The following SUCLG2 variants were observed in gnomAD, a reference collection of about 807,000 sequenced individuals.
SUCLG2 encodes the protein succinate--CoA ligase [GDP-forming] subunit beta, mitochondrial.
Under a neutral mutation model 47.9 loss-of-function variants are expected in SUCLG2, and 42 were observed. That is an observed-to-expected ratio of 0.88 (90% CI 0.69 to 1.14). The LOEUF is 1.14. SUCLG2 is among the 50% of genes most tolerant of loss of function. The pLI is 0.00. For missense variants in SUCLG2, 571 were observed against 525.9 expected (o/e 1.09, Z -0.84); for synonymous variants, 195 against 197.3 (o/e 0.99, Z 0.10).
chr3:67,652,377 T>C (rs932398971), intron 1 of SUCLG2, among the ~76,000 whole-genome samples: 1 of 152,126 alleles, frequency 6.6e-6, no homozygotes, highest in African/African-American at 2.4e-5. Flanking sequence ...GGGCCAAGAG[T>C]GGCAACAGAT....
At chr3:67,520,757 G>A in intron 4 of SUCLG2, 123 bp from the exon 5 acceptor site, 1 of 1,102,262 alleles carries the variant, frequency 9.1e-7, no homozygotes, top group Non-Finnish European at 1.3e-6. Flanking sequence ...CCCAGGGAGT[G>A]AGTTTGCAGA....
At chr3:67,470,045 C>CA (rs200817099) in intron 9 of SUCLG2, among the ~76,000 whole-genome samples, 5,692 of 96,302 alleles carry the variant, frequency 0.059, 343 homozygotes, top group African/African-American at 0.17. Context: ...AACTCCATAT[C>CA]AAAAAAAAAA....
intron 9 of SUCLG2, among the ~76,000 whole-genome samples, chr3:67,488,297 A>G (rs1365703726): frequency 6.6e-6 from 1 of 152,160 alleles, no homozygotes; most frequent in Non-Finnish European, 1.5e-5. Context: ...AGGCAAGCCC[A>G]TATGGACATG....
intron 1 of SUCLG2, among the ~76,000 whole-genome samples, chr3:67,642,994 G>A (rs867986754): frequency 2.0e-5 from 3 of 151,900 alleles, no homozygotes; most frequent in Admixed American, 6.6e-5. Context: ...CCTGGTTCCT[G>A]GCAAACAGGT....
At chr3:67,430,829 C>T (rs1330018236) in intron 9 of SUCLG2, among the ~76,000 whole-genome samples, 1 of 152,046 alleles carries the variant, frequency 6.6e-6, no homozygotes, top group Admixed American at 6.6e-5. Flanking sequence ...AACACCTCTA[C>T]ACAAATAAAC....
At chr3:67,396,101 A>T (rs1702520915) in intron 10 of SUCLG2, among the ~76,000 whole-genome samples, 1 of 152,162 alleles carries the variant, frequency 6.6e-6, no homozygotes, top group Non-Finnish European at 1.5e-5. Flanking sequence ...CTAACATCAC[A>T]ATTAAAAGAA....
rs1004659131 is a variant in SUCLG2, at chr3:67,450,483, C to A, written c.1062+45315G>T. On this transcript the variant is annotated intron_variant, in intron 9 of 10. Coordinates refer to ENST00000307227, the MANE Select transcript of SUCLG2 (RefSeq NM_003848.4). ...TTGAAAAAGAACTAAAGAGGGAATA[C>A]ACTTTCTCAATTTTCCCCAATACTG... 2.0e-5 allele frequency among the ~76,000 whole-genome samples: 3 copies of A among 152,190 alleles called. No individual in the cohort carries two copies. The East Asian group carries it at 5.8e-4, about 29-fold the overall frequency.
At chr3:67,578,900 G>C (rs568393525) in intron 2 of SUCLG2, among the ~76,000 whole-genome samples, 2 of 152,326 alleles carry the variant, frequency 1.3e-5, no homozygotes, top group East Asian at 3.9e-4. Context: ...AGAGCAACAC[G>C]GAGAGGCCAA....
intron 2 of SUCLG2, among the ~76,000 whole-genome samples, chr3:67,545,888 T>G (rs551049749): frequency 6.6e-6 from 1 of 152,246 alleles, no homozygotes; most frequent in East Asian, 1.9e-4. Context: ...AATTCTACCC[T>G]CCATTACACT....
chr3:67,424,063 T>C (rs1030378303), intron 9 of SUCLG2, among the ~76,000 whole-genome samples: 2 of 152,234 alleles, frequency 1.3e-5, no homozygotes, highest in East Asian at 1.9e-4. Flanking sequence ...TCTTCAAGGA[T>C]TGCTTTAGTA....
chr3:67,583,957 A>T (rs371686750), intron 2 of SUCLG2, among the ~76,000 whole-genome samples: 11 of 152,310 alleles, frequency 7.2e-5, no homozygotes, highest in African/African-American at 2.6e-4. Context: ...AGTAACCTCA[A>T]CTACATCTGC....
At chr3:67,592,211 C>T (rs781487053) in intron 2 of SUCLG2, among the ~76,000 whole-genome samples, 3 of 152,122 alleles carry the variant, frequency 2.0e-5, no homozygotes, top group Admixed American at 6.5e-5. Flanking sequence ...TAGAGGCAGC[C>T]AAATGGTTCA....
intron 9 of SUCLG2, chr3:67,409,124 T>A: frequency 7.4e-7 from 1 of 1,354,376 alleles, no homozygotes. Flanking sequence ...ATTTCCTGTT[T>A]ACTGATAAAA....
chr3:67,610,386 A>C (rs1182805307), intron 1 of SUCLG2, among the ~76,000 whole-genome samples: 1 of 152,196 alleles, frequency 6.6e-6, no homozygotes, highest in Non-Finnish European at 1.5e-5. Context: ...CTACGTGTTT[A>C]TCTGTGTTAA....
chr3:67,649,513 AC>A (rs773350106), intron 1 of SUCLG2, among the ~76,000 whole-genome samples: 2 of 151,776 alleles, frequency 1.3e-5, no homozygotes, highest in Non-Finnish European at 2.9e-5. Flanking sequence ...TTCTTTGTAT[AC>A]CCAAAAGTGC....
intron 10 of SUCLG2, among the ~76,000 whole-genome samples, chr3:67,389,946 G>C: frequency 1.3e-5 from 2 of 152,222 alleles, no homozygotes; most frequent in Admixed American, 1.3e-4. Context: ...GTGAAAACGG[G>C]TCTCCATCAT....
intron 9 of SUCLG2, chr3:67,408,667 T>C (rs954870147): frequency 1.8e-6 from 2 of 1,115,886 alleles, no homozygotes; most frequent in African/African-American, 3.3e-5. Flanking sequence ...TCCTAAATTC[T>C]TCACTTTACT....
chr3:67,398,111 C>A (rs1575669585), intron 10 of SUCLG2, among the ~76,000 whole-genome samples: 1 of 150,114 alleles, frequency 6.7e-6, no homozygotes, highest in African/African-American at 2.5e-5. Flanking sequence ...TAGGCATGGA[C>A]AAGGACTTCA....
intron 9 of SUCLG2, among the ~76,000 whole-genome samples, chr3:67,490,215 G>T (rs1705171585): frequency 6.6e-6 from 1 of 152,174 alleles, no homozygotes; most frequent in African/African-American, 2.4e-5. Flanking sequence ...GTATCTGAAA[G>T]AAAACAGGAT....
Sources: gnomAD v4.1 joint callset for allele counts (sites outside exome capture counted in the v4.1 genomes callset) on GRCh38, gnomAD v4.1.1 for gene constraint, MANE v1.5 for transcripts, NCBI Gene and HGNC (gene_info 2026-07-23, HGNC 2026-07-21) for gene names.